The following ESRRG variants were observed in gnomAD, a reference collection of about 807,000 sequenced individuals.
The protein encoded by ESRRG is estrogen related receptor gamma, also known as estrogen-related receptor gamma.
Under a neutral mutation model 44.0 loss-of-function variants are expected in ESRRG, and 13 were observed. The observed-to-expected ratio is 0.30, with a 90% confidence interval of 0.19 to 0.47. ESRRG has a LOEUF of 0.47. Ranked by LOEUF, ESRRG falls within the 20% of genes least tolerant of loss-of-function variation. The pLI, the probability that ESRRG is intolerant of heterozygous loss-of-function variation, is 1.00. For synonymous variants in ESRRG, 215 were observed against 214.6 expected (o/e 1.00, Z -0.02); for missense variants, 395 against 580.6 (o/e 0.68, Z 3.29).
chr1:216,937,277 TC>T (rs1483134761), intron 2 of ESRRG, among the ~76,000 whole-genome samples: 2 of 152,124 alleles, frequency 1.3e-5, no homozygotes, highest in Non-Finnish European at 2.9e-5. Context: ...ATATTCTGTC[TC>T]GTTTTGCCAA....
intron 5 of ESRRG, among the ~76,000 whole-genome samples, chr1:216,526,945 G>A (rs1412701678): frequency 9.9e-5 from 15 of 152,096 alleles, no homozygotes; most frequent in Admixed American, 9.8e-4. Flanking sequence ...TATTCCTGAA[G>A]GTTTATTTCA....
At chr1:216,589,603 A>G (rs1320590173) in intron 3 of ESRRG, among the ~76,000 whole-genome samples, 7 of 152,094 alleles carry the variant, frequency 4.6e-5, no homozygotes, top group Non-Finnish European at 1.0e-4. Context: ...TGACTACTGT[A>G]CCATCCAAAC....
chr1:216,863,086 T>G (rs2149114818), intron 2 of ESRRG: 1 of 152,306 alleles, frequency 6.6e-6, no homozygotes, highest in Non-Finnish European at 1.5e-5. Flanking sequence ...TAAACTTTGA[T>G]ACCCATCAGA....
rs562995789 is a variant in ESRRG, at chr1:216,677,398, C to T, written c.150G>A (p.Thr50=). 103 of 1,614,088 alleles carry T rather than the reference C, an allele frequency of 6.4e-5. No homozygotes were observed. Among genetic ancestry groups the T allele is most frequent in the South Asian group, 4.9e-4 (45 of 91,086 alleles). The part of the protein sequence containing the change: ...KTEPSSPASL[T]DSVNHHSPGG... ...CAGGGCTGTGGTGGTTGACGCTGTC[C>T]GTCAGGGAGGCTGGGCTGGAAGGTT... Residue 50 remains threonine (T), a synonymous_variant, in exon 2 of 7, where the codon ACG becomes ACA. Coordinates refer to ENST00000408911, the MANE Select transcript of ESRRG (RefSeq NM_001438.4).
At chr1:216,510,041 T>C (rs1051659964) in intron 6 of ESRRG, among the ~76,000 whole-genome samples, 1 of 152,216 alleles carries the variant, frequency 6.6e-6, no homozygotes, top group Non-Finnish European at 1.5e-5. Context: ...ATATTCCTAG[T>C]ATTTGTGCTA....
At chr1:217,016,653 A>T (rs922832904) in intron 1 of ESRRG, among the ~76,000 whole-genome samples, 4 of 152,082 alleles carry the variant, frequency 2.6e-5, no homozygotes, top group African/African-American at 7.2e-5. Context: ...CTTATAAATG[A>T]TTTACCTACA....
At chr1:216,610,861 C>T (rs1015413177) in intron 3 of ESRRG, among the ~76,000 whole-genome samples, 1 of 152,016 alleles carries the variant, frequency 6.6e-6, no homozygotes, top group African/African-American at 2.4e-5. Context: ...TAAGTAAGTG[C>T]CCAGGTTTAC....
chr1:216,635,140 T>A (rs751720009), intron 3 of ESRRG, among the ~76,000 whole-genome samples: 20 of 152,164 alleles, frequency 1.3e-4, no homozygotes, highest in Admixed American at 9.2e-4. Context: ...CCACACAGAA[T>A]CCTGATATGC....
intron 5 of ESRRG, among the ~76,000 whole-genome samples, chr1:216,556,269 A>C (rs2057542534): frequency 6.6e-6 from 1 of 152,070 alleles, no homozygotes; most frequent in Non-Finnish European, 1.5e-5. Flanking sequence ...TAGGATATTG[A>C]TGTTTTGATA....
rs117105160 is a variant in ESRRG, at chr1:216,783,073, G to A, written c.-13-105582C>T. Among the ~76,000 whole-genome samples the A allele has an allele frequency of 5.1e-4, 77 of 152,028 alleles. 1 individual carries two copies. The East Asian group carries it at 0.012, about 24-fold the overall frequency. On this transcript the variant is annotated intron_variant, in intron 2 of 7. Transcript: ENST00000359162. ...CAACCTTACATTCCCACTCAGAAGA[G>A]TTAGGGGGCATATCGGAATCTCACG...
chr1:217,128,242 T>C (rs1316378814), intron 1 of ESRRG, among the ~76,000 whole-genome samples: 1 of 152,246 alleles, frequency 6.6e-6, no homozygotes, highest in African/African-American at 2.4e-5. Flanking sequence ...CATTCGTTGT[T>C]TTCAATCAAT....
In ESRRG at chr1:216,506,826, C is replaced by A; in HGVS notation, c.*113G>T. 2 of 1,157,136 alleles carry A rather than the reference C, an allele frequency of 1.7e-6. No homozygotes were observed. The highest frequency in any genetic ancestry group is 2.5e-6 in the Non-Finnish European group (2 of 809,174). 71.7% of individuals were successfully genotyped at this position (1,157,136 alleles called of 1,614,324 possible). On this transcript the variant is annotated 3_prime_UTR_variant, in exon 7 of 7. Coordinates refer to ENST00000408911, the MANE Select transcript of ESRRG (RefSeq NM_001438.4). The stretch of plus-strand genomic sequence containing the variant: ...TAGTCTTGCTGCTAAATTATCAGTG[C>A]AGTCTGTTGATTTTTGATGTTGTTA...
At chr1:216,948,769 T>A (rs1275745716) in intron 1 of ESRRG, among the ~76,000 whole-genome samples, 2 of 151,972 alleles carry the variant, frequency 1.3e-5, no homozygotes, top group South Asian at 2.1e-4. Flanking sequence ...TTGCATAAGG[T>A]TTTTAGCTGT....
At chr1:216,873,854 A>C (rs1277575383) in intron 2 of ESRRG, among the ~76,000 whole-genome samples, 1 of 139,384 alleles carries the variant, frequency 7.2e-6, no homozygotes. Flanking sequence ...ACAGAGAAAA[A>C]AGAAGAGACG....
intron 2 of ESRRG, among the ~76,000 whole-genome samples, chr1:216,925,393 C>T (rs536575055): frequency 1.1e-4 from 17 of 152,216 alleles, no homozygotes; most frequent in South Asian, 4.1e-4. Context: ...GCTGAGATCA[C>T]GCCACCACAC....
At chr1:216,691,627 T>A (rs1247759085) in intron 1 of ESRRG, among the ~76,000 whole-genome samples, 2 of 152,218 alleles carry the variant, frequency 1.3e-5, no homozygotes, top group Non-Finnish European at 2.9e-5. Context: ...AAGGGGTTTC[T>A]GTAGAATAAT....
intron 2 of ESRRG, among the ~76,000 whole-genome samples, chr1:216,749,968 T>C (rs932823784): frequency 1.4e-4 from 22 of 152,166 alleles, no homozygotes; most frequent in African/African-American, 3.4e-4. Flanking sequence ...TAAACTCAAA[T>C]AGCTAGTCTA....
intron 2 of ESRRG, among the ~76,000 whole-genome samples, chr1:216,805,703 C>A (rs2094768623): frequency 6.6e-6 from 1 of 150,592 alleles, no homozygotes; most frequent in Admixed American, 6.6e-5. Context: ...TTTGCTGAAT[C>A]TCTGTCTGTT....
At chr1:216,863,647 GTTA>G (rs564002470) in intron 2 of ESRRG, 1 of 152,168 alleles carries the variant, frequency 6.6e-6, no homozygotes, top group Non-Finnish European at 1.5e-5. Context: ...TTGAGAAATA[GTTA>G]TTATTGTAGG....
Sources: gnomAD v4.1 joint callset for allele counts (sites outside exome capture counted in the v4.1 genomes callset) on GRCh38, gnomAD v4.1.1 for gene constraint, MANE v1.5 for transcripts, NCBI Gene and HGNC (gene_info 2026-07-23, HGNC 2026-07-21) for gene names.